PPP1R16B: variants seen among roughly 807,000 people sequenced by gnomAD.
PPP1R16B encodes protein phosphatase 1 regulatory subunit 16B.
A neutral mutation model predicts 61.7 loss-of-function variants in PPP1R16B; 14 were observed. That is an observed-to-expected ratio of 0.23 (90% CI 0.15 to 0.35). The LOEUF (loss-of-function observed/expected upper bound fraction) is 0.35, where lower values mean the gene tolerates loss of function less well. PPP1R16B is among the 10% of genes least tolerant of loss of function. The pLI is 1.00. For synonymous variants in PPP1R16B, 266 were observed against 305.3 expected (o/e 0.87, Z 1.34); for missense variants, 547 against 752.5 (o/e 0.73, Z 3.19).
intron 2 of PPP1R16B, among the ~76,000 whole-genome samples, chr20:38,855,402 C>T (rs1366373862): frequency 1.3e-5 from 2 of 151,660 alleles, no homozygotes; most frequent in African/African-American, 4.8e-5. Flanking sequence ...AAACTTCCCC[C>T]AAGTTACTTG....
In PPP1R16B at chr20:38,831,209, A is replaced by T. The variant is rs962784153; in HGVS notation, c.-101-4616A>T. 2.0e-5 allele frequency among the ~76,000 whole-genome samples: 3 copies of T among 152,172 alleles called. No homozygotes were observed. In the South Asian group the frequency reaches 6.2e-4, roughly 31 times the overall value. ...TCCTTGTACTTCCTTGTTCCTCCAA[A>T]TGAGGTCTTCCTTGGGGGTCCCCTT... On this transcript the variant is annotated intron_variant, in intron 1 of 10. Coordinates refer to ENST00000299824, the MANE Select transcript of PPP1R16B (RefSeq NM_015568.4).
intron 2 of PPP1R16B, among the ~76,000 whole-genome samples, chr20:38,850,999 T>C (rs1397807146): frequency 6.6e-6 from 1 of 151,040 alleles, no homozygotes; most frequent in Non-Finnish European, 1.5e-5. Flanking sequence ...GAATAGGTCA[T>C]GGGCAGAGAT....
At chr20:38,816,888 C>CCCT (rs754940782) in intron 1 of PPP1R16B, among the ~76,000 whole-genome samples, 1 of 152,190 alleles carries the variant, frequency 6.6e-6, no homozygotes, top group Non-Finnish European at 1.5e-5. Context: ...CCAGGGCCCA[C>CCCT]CCTCCTCCTC....
intron 5 of PPP1R16B, among the ~76,000 whole-genome samples, chr20:38,902,231 T>G (rs188063688): frequency 6.6e-6 from 1 of 152,350 alleles, no homozygotes; most frequent in African/African-American, 2.4e-5. Flanking sequence ...GATTGAGCGT[T>G]GTGCCAGGTG....
intron 2 of PPP1R16B, among the ~76,000 whole-genome samples, chr20:38,856,687 T>C (rs1472826771): frequency 2.6e-5 from 4 of 152,358 alleles, no homozygotes; most frequent in South Asian, 4.1e-4. Flanking sequence ...AAAATCTTTC[T>C]ATGCATCAAC....
intron 5 of PPP1R16B, among the ~76,000 whole-genome samples, chr20:38,901,967 A>T (rs534029362): frequency 1.1e-4 from 17 of 152,214 alleles, no homozygotes; most frequent in Non-Finnish European, 2.2e-4. Flanking sequence ...CTTAGTCAAA[A>T]GAAATGTGTG....
At chr20:38,811,694 T>C (rs2145702154) in intron 1 of PPP1R16B, among the ~76,000 whole-genome samples, 1 of 152,332 alleles carries the variant, frequency 6.6e-6, no homozygotes, top group Non-Finnish European at 1.5e-5. Flanking sequence ...AGGGGATATT[T>C]GGCAATGTCT....
At chr20:38,898,740 G>A (rs1165915966) in intron 4 of PPP1R16B, among the ~76,000 whole-genome samples, 2 of 152,080 alleles carry the variant, frequency 1.3e-5, no homozygotes, top group East Asian at 1.9e-4. Context: ...AACCTGGGAG[G>A]CGGAGGTTGC....
intron 1 of PPP1R16B, among the ~76,000 whole-genome samples, chr20:38,811,064 GT>G (rs1433987051): frequency 6.6e-6 from 1 of 152,196 alleles, no homozygotes; most frequent in African/African-American, 2.4e-5. Context: ...CAGACGCTTT[GT>G]GGGGAGGTGT....
intron 10 of PPP1R16B, among the ~76,000 whole-genome samples, chr20:38,911,755 T>C (rs553820502): frequency 3.6e-4 from 55 of 152,202 alleles, no homozygotes; most frequent in African/African-American, 1.3e-3. Flanking sequence ...CAGGCTGGTC[T>C]TGAATTCCTG....
intron 2 of PPP1R16B, among the ~76,000 whole-genome samples, chr20:38,888,831 G>A (rs575779824): frequency 2.0e-4 from 30 of 148,772 alleles, no homozygotes; most frequent in African/African-American, 7.5e-4. Flanking sequence ...ATTCCAGGCT[G>A]TCAATGCTGT....
At position 38,895,598 on chromosome 20, in the gene PPP1R16B, C is replaced by G. The variant is rs1474264511; in HGVS notation, c.355C>G (p.Leu119Val). 1 of 1,613,708 alleles carries G rather than the reference C, an allele frequency of 6.2e-7. No individual in the cohort carries two copies. Among genetic ancestry groups the G allele is most frequent in the South Asian group, 1.1e-5 (1 of 91,064 alleles). The change falls in exon 4 of 11, where the codon CTG (leucine) becomes GTG (valine). Residue 119 changes from leucine to valine, a missense_variant. Leu to Val is a conservative substitution (Grantham distance 32). Coordinates refer to ENST00000299824, the MANE Select transcript of PPP1R16B (RefSeq NM_015568.4). Reference protein sequence around the residue: ...CIDNFEEIVKLLLSHGANVNA... With the variant: ...CIDNFEEIVKVLLSHGANVNA... ...CGACAACTTTGAGGAAATTGTGAAG[C>G]TGCTCCTCTCCCATGGTGCCAATGT...
chr20:38,888,876 A>AACACACACACACAC (rs1181903301), intron 2 of PPP1R16B, among the ~76,000 whole-genome samples: 34 of 112,302 alleles, frequency 3.0e-4, no homozygotes, highest in East Asian at 8.3e-4. Flanking sequence ...AGAATCCCTG[A>AACACACACACACAC]ACACACACAC....
At chr20:38,853,336 G>A (rs1237241975) in intron 2 of PPP1R16B, among the ~76,000 whole-genome samples, 20 of 152,214 alleles carry the variant, frequency 1.3e-4, no homozygotes, top group Admixed American at 1.3e-3. Context: ...ACCATGTTAG[G>A]CTGAGGAAGT....
chr20:38,889,886 G>T lies in PPP1R16B; in HGVS notation c.321+221G>T, dbSNP rs1445459468. On this transcript the variant is annotated intron_variant, in intron 3 of 10. Transcript: ENST00000299824. ...CCTGTGTGCGCCCGCAGACGCGACT[G>T]CACATGCAGGCTCTAAGGACAGGGA... Among the ~76,000 whole-genome samples the T allele has an allele frequency of 3.9e-5, 6 of 152,238 alleles. No homozygotes were observed. In the East Asian group the frequency reaches 1.2e-3, roughly 29 times the overall value.
Position 38,847,803 on chromosome 20 carries a change from T to G in PPP1R16B, c.250+11628T>G, listed in dbSNP as rs897007157. 2.0e-5 allele frequency among the ~76,000 whole-genome samples: 3 copies of G among 152,246 alleles called. No homozygotes were observed. The South Asian group carries it at 6.2e-4, about 32-fold the overall frequency. ...GAGAGATGCCAACTCTTTGTTGTCA[T>G]GTATGGTTCATATATTTTCTGCAGT... On this transcript the variant is annotated intron_variant, in intron 2 of 10. Coordinates refer to ENST00000299824, the MANE Select transcript of PPP1R16B (RefSeq NM_015568.4).
intron 2 of PPP1R16B, among the ~76,000 whole-genome samples, chr20:38,864,557 C>A (rs2085077236): frequency 6.6e-6 from 1 of 152,186 alleles, no homozygotes; most frequent in Non-Finnish European, 1.5e-5. Context: ...GCCAGTCACA[C>A]AGCTAGTTAG....
rs374582230 is a variant in PPP1R16B, at chr20:38,858,058, C to G, written c.250+21883C>G. On this transcript the variant is annotated intron_variant, in intron 2 of 10. Coordinates refer to ENST00000299824, the MANE Select transcript of PPP1R16B (RefSeq NM_015568.4). ...CTGGCTTTCCACCTCCTCACTGTTT[C>G]CTCACCTGGTGGTGGTTTGGGGGAA... is the stretch of plus-strand genomic sequence containing the variant. Among the ~76,000 whole-genome samples, 19 of 152,238 alleles carry G rather than the reference C, an allele frequency of 1.2e-4. No homozygotes were observed. The East Asian group carries it at 3.5e-3, about 28-fold the overall frequency.
At chr20:38,917,729 A>T (rs1190036314) in intron 10 of PPP1R16B, among the ~76,000 whole-genome samples, 6 of 152,150 alleles carry the variant, frequency 3.9e-5, no homozygotes, top group Non-Finnish European at 7.4e-5. Flanking sequence ...GCCTTTCTTC[A>T]TGCCAACTTT....
Sources: gnomAD v4.1 joint callset for allele counts (sites outside exome capture counted in the v4.1 genomes callset) on GRCh38, gnomAD v4.1.1 for gene constraint, MANE v1.5 for transcripts, NCBI Gene and HGNC (gene_info 2026-07-23, HGNC 2026-07-21) for gene names.